Variants in PDE10A observed in about 807,000 individuals in gnomAD.
The protein encoded by PDE10A is cAMP and cAMP-inhibited cGMP 3',5'-cyclic phosphodiesterase 10A.
A neutral mutation model predicts 97.7 loss-of-function variants in PDE10A; 39 were observed. The ratio of observed to expected loss-of-function variants is 0.40; its 90% confidence interval spans 0.31 to 0.52. The LOEUF (loss-of-function observed/expected upper bound fraction) is 0.52. Ranked by LOEUF, PDE10A falls within the 20% of genes least tolerant of loss-of-function variation. The pLI, the probability that PDE10A is intolerant of heterozygous loss-of-function variation, is 0.56. For synonymous variants in PDE10A, 371 were observed against 376.8 expected (o/e 0.98, Z 0.18); for missense variants, 731 against 1,047.8 (o/e 0.70, Z 4.17).
intron 1 of PDE10A, among the ~76,000 whole-genome samples, chr6:165,773,852 A>C (rs1036318178): frequency 1.3e-4 from 20 of 152,202 alleles, no homozygotes; most frequent in African/African-American, 4.8e-4. Flanking sequence ...TGTCATTTAC[A>C]ATGGTGAAAA....
intron 18 of PDE10A, among the ~76,000 whole-genome samples, chr6:165,353,508 A>T (rs1043386886): frequency 1.3e-5 from 2 of 152,212 alleles, no homozygotes; most frequent in African/African-American, 4.8e-5. Context: ...ATGAATGGGT[A>T]AATAAATGAT....
chr6:165,465,096 G>A (rs191293105), intron 3 of PDE10A, among the ~76,000 whole-genome samples: 45 of 152,048 alleles, frequency 3.0e-4, no homozygotes, highest in African/African-American at 1.1e-3. Context: ...TTTTTTCAGT[G>A]CTTTATATTC....
At chr6:165,610,869 C>T (rs1294231435) in intron 1 of PDE10A, among the ~76,000 whole-genome samples, 1 of 152,114 alleles carries the variant, frequency 6.6e-6, no homozygotes, top group Non-Finnish European at 1.5e-5. Flanking sequence ...CTTAAATTCC[C>T]ATGTGACCTT....
chr6:165,884,141 G>A (rs898736198), intron 1 of PDE10A, among the ~76,000 whole-genome samples: 16 of 152,280 alleles, frequency 1.1e-4, no homozygotes, highest in Middle Eastern at 3.4e-3. Flanking sequence ...AACGGCACAG[G>A]AATCGGGGAC....
intron 17 of PDE10A, among the ~76,000 whole-genome samples, chr6:165,380,960 C>T (rs1276929530): frequency 6.6e-6 from 1 of 152,246 alleles, no homozygotes; most frequent in Non-Finnish European, 1.5e-5. Flanking sequence ...CTGGCTGGTG[C>T]TCACGCACAC....
chr6:165,784,982 G>A (rs1169718754), intron 1 of PDE10A, among the ~76,000 whole-genome samples: 2 of 152,136 alleles, frequency 1.3e-5, no homozygotes, highest in Non-Finnish European at 2.9e-5. Context: ...AAGTGTCAAA[G>A]TTTCTCTTCT....
intron 1 of PDE10A, among the ~76,000 whole-genome samples, chr6:165,749,683 AC>A (rs1328701911): frequency 6.6e-6 from 1 of 152,228 alleles, no homozygotes; most frequent in Non-Finnish European, 1.5e-5. Flanking sequence ...AATTCTGGCT[AC>A]CCCCAATCTA....
rs1790638017 is a variant in PDE10A, at chr6:165,443,681, A to C, written c.1194+5247T>G. 2.0e-5 allele frequency among the ~76,000 whole-genome samples: 3 copies of C among 152,218 alleles called. No homozygotes were observed. The South Asian group carries it at 6.2e-4, about 31-fold the overall frequency. ...TCCGTGAGGGCTCTGCCCCTGCAGC[A>C]GACTTCTGCCTGGATATCCAGGCAT... On this transcript the variant is annotated intron_variant, in intron 5 of 21. Transcript: ENST00000539869.
intron 10 of PDE10A, among the ~76,000 whole-genome samples, chr6:165,422,590 T>C (rs1788801063): frequency 6.6e-6 from 1 of 152,228 alleles, no homozygotes; most frequent in Admixed American, 6.5e-5. Context: ...AAACTTACTT[T>C]AAGCCTAAAT....
intron 3 of PDE10A, among the ~76,000 whole-genome samples, chr6:165,460,062 G>A (rs113697239): frequency 0.014 from 2,109 of 152,288 alleles, 58 homozygotes; most frequent in African/African-American, 0.049. Context: ...CTAAACCGGG[G>A]CATTTCCAGC....
chr6:165,789,017 T>TCTGG (rs967365015), intron 1 of PDE10A, among the ~76,000 whole-genome samples: 2 of 152,030 alleles, frequency 1.3e-5, no homozygotes, highest in African/African-American at 4.8e-5. Flanking sequence ...AGGCTGCTCT[T>TCTGG]CTGGCTGAGT....
At chr6:165,383,825 A>G (rs9459408) in intron 17 of PDE10A, among the ~76,000 whole-genome samples, 12,358 of 152,248 alleles carry the variant, frequency 0.081, 567 homozygotes, top group Middle Eastern at 0.2. Flanking sequence ...GCGCTATGTA[A>G]AAGGGGGCAG....
chr6:165,879,784 G>A (rs1360710726), intron 1 of PDE10A, among the ~76,000 whole-genome samples: 2 of 151,818 alleles, frequency 1.3e-5, no homozygotes, highest in African/African-American at 4.8e-5. Context: ...TGATTTTTTT[G>A]TCACAGTTTT....
At chr6:165,932,401 T>C (rs1783165955) in intron 1 of PDE10A, among the ~76,000 whole-genome samples, 1 of 152,090 alleles carries the variant, frequency 6.6e-6, no homozygotes, top group Non-Finnish European at 1.5e-5. Flanking sequence ...AATGGTACAA[T>C]CACAGCTCAC....
At chr6:165,599,633 G>T (rs2128393843) in intron 1 of PDE10A, among the ~76,000 whole-genome samples, 1 of 152,276 alleles carries the variant, frequency 6.6e-6, no homozygotes, top group South Asian at 2.1e-4. Context: ...AGGCTTAACA[G>T]AATACCTCGT....
intron 6 of PDE10A, among the ~76,000 whole-genome samples, chr6:165,434,283 C>T (rs1789835654): frequency 6.6e-6 from 1 of 152,006 alleles, no homozygotes; most frequent in Non-Finnish European, 1.5e-5. Context: ...TCCCTTCTGT[C>T]CTTCTATCTC....
At chr6:165,453,936 G>T (rs1041859560) in intron 3 of PDE10A, among the ~76,000 whole-genome samples, 3 of 141,540 alleles carry the variant, frequency 2.1e-5, no homozygotes, top group Admixed American at 7.2e-5. Flanking sequence ...GAGAGCTGAA[G>T]TGTGGGCTGG....
At position 165,622,785 on chromosome 6, in the gene PDE10A, T is replaced by A. The variant is rs369631974; in HGVS notation, c.865+39162A>T. ...TTAGATGCCAAGGGATACTGTCTTGTGCTCTGCCTTTGACAGAGTTTGGAA... is the reference window on the plus strand; with the variant it reads ...TTAGATGCCAAGGGATACTGTCTTGAGCTCTGCCTTTGACAGAGTTTGGAA... On this transcript the variant is annotated intron_variant, in intron 1 of 21. Coordinates refer to ENST00000539869, the MANE Select transcript of PDE10A (RefSeq NM_001385079.1). 1.6e-4 allele frequency among the ~76,000 whole-genome samples: 24 copies of A among 152,306 alleles called. 1 individual carries two copies. Among genetic ancestry groups the A allele is most frequent in the African/African-American group, 5.5e-4 (23 of 41,574 alleles).
chr6:165,957,504 C>T (rs1784169890), intron 1 of PDE10A, among the ~76,000 whole-genome samples: 1 of 151,978 alleles, frequency 6.6e-6, no homozygotes, highest in African/African-American at 2.4e-5. Context: ...ACAAAAATCC[C>T]AAAACCAAAA....
Sources: allele counts gnomAD v4.1 joint callset (sites outside exome capture counted in the v4.1 genomes callset), GRCh38; gene constraint gnomAD v4.1.1; transcripts MANE v1.5; gene names NCBI Gene and HGNC (gene_info 2026-07-23, HGNC 2026-07-21).